Variants in NRXN1 observed in about 807,000 individuals in gnomAD.
NRXN1 encodes neurexin-1.
NRXN1 carries 39 observed loss-of-function variants against 150.9 expected under a neutral mutation model. That is an observed-to-expected ratio of 0.26 (90% CI 0.20 to 0.34). The LOEUF is 0.34. NRXN1 is among the 10% of genes least tolerant of loss of function. The probability of loss-of-function intolerance (pLI) is 1.00; values close to 1 mark genes in which losing one functional copy is unlikely to be tolerated. For missense variants in NRXN1, 1,815 were observed against 1,949.9 expected, an observed-to-expected ratio of 0.93 and a Z score of 1.30; for synonymous variants, 924 against 757.0, an observed-to-expected ratio of 1.22 and a Z score of -3.62.
intron 18 of NRXN1, among the ~76,000 whole-genome samples, chr2:50,157,989 CA>C (rs2059128345): frequency 7.0e-6 from 1 of 143,550 alleles, no homozygotes; most frequent in East Asian, 2.0e-4. Context: ...GGGAGAGAAA[CA>C]AGGAGGGCAA....
At chr2:50,269,896 C>T (rs756451982) in intron 17 of NRXN1, among the ~76,000 whole-genome samples, 4 of 152,040 alleles carry the variant, frequency 2.6e-5, no homozygotes, top group Non-Finnish European at 4.4e-5. Flanking sequence ...TTTCTATTTC[C>T]CTCCATAAGG....
Position 50,346,941 on chromosome 2 carries a change from C to G in NRXN1, c.3365-109971G>C. On this transcript the variant is annotated intron_variant, in intron 17 of 22. Coordinates refer to ENST00000401669, the MANE Select transcript of NRXN1 (RefSeq NM_001330078.2). The surrounding 1 kb of genome is among the most constrained non-coding windows in gnomAD (Gnocchi z 5.0). ...GCTCGGCGCCGCACCGGAGCATCCT[C>G]TGGTACATGGCGGGGCGCCCGCCGA... is the stretch of plus-strand genomic sequence containing the variant. 7.3e-7 allele frequency: 1 copy of G among 1,365,346 alleles called. No homozygotes were observed. The allele number at this position is 1,365,346 out of a possible 1,614,324, so 84.6% of individuals were successfully genotyped here. A position where few individuals can be genotyped will look rare whatever the true frequency, so the allele number is the denominator to read the frequency against.
chr2:50,680,480 A>G (rs1398074371), intron 5 of NRXN1, among the ~76,000 whole-genome samples: 1 of 152,172 alleles, frequency 6.6e-6, no homozygotes, highest in Non-Finnish European at 1.5e-5. Flanking sequence ...TAGGTAAAAT[A>G]CAGTTAAAGA....
At chr2:50,594,913 T>G (rs1389687945) in intron 8 of NRXN1, among the ~76,000 whole-genome samples, 1 of 152,000 alleles carries the variant, frequency 6.6e-6, no homozygotes, top group Admixed American at 6.6e-5. Flanking sequence ...ACTCATTTAT[T>G]CATTATTCAT....
At chr2:50,748,047 A>G (rs9752624) in intron 5 of NRXN1, among the ~76,000 whole-genome samples, 34,515 of 152,126 alleles carry the variant, frequency 0.23, 4,208 homozygotes, top group Non-Finnish European at 0.27. Flanking sequence ...TCTCACAAGC[A>G]TCACTTCCCT....
chr2:50,544,503 T>C (rs1294999504), intron 9 of NRXN1, among the ~76,000 whole-genome samples: 1 of 152,168 alleles, frequency 6.6e-6, no homozygotes, highest in Non-Finnish European at 1.5e-5. Flanking sequence ...CCATCTGTTT[T>C]CTGCTTACTT....
intron 5 of NRXN1, among the ~76,000 whole-genome samples, chr2:50,793,413 G>A (rs529555316): frequency 6.6e-6 from 1 of 152,176 alleles, no homozygotes; most frequent in African/African-American, 2.4e-5. Flanking sequence ...CCATCTTCAT[G>A]TTTAGTGAAG....
chr2:50,214,865 T>C (rs2063288498), intron 18 of NRXN1, among the ~76,000 whole-genome samples: 1 of 152,014 alleles, frequency 6.6e-6, no homozygotes, highest in African/African-American at 2.4e-5. Context: ...TTCAGAATAA[T>C]TCTATAAGGT....
intron 5 of NRXN1, among the ~76,000 whole-genome samples, chr2:50,681,661 A>T (rs1281724338): frequency 6.6e-6 from 1 of 152,178 alleles, no homozygotes; most frequent in Admixed American, 6.5e-5. Context: ...CTCTTCCCCC[A>T]AGGTCTAGTA....
intron 2 of NRXN1, among the ~76,000 whole-genome samples, chr2:51,017,828 A>G (rs1446973946): frequency 6.6e-6 from 1 of 152,046 alleles, no homozygotes; most frequent in Non-Finnish European, 1.5e-5. Context: ...TATTTGCTGG[A>G]AAATAAATCA....
chr2:50,206,198 T>A (rs897585888), intron 18 of NRXN1, among the ~76,000 whole-genome samples: 1 of 149,648 alleles, frequency 6.7e-6, no homozygotes, highest in Non-Finnish European at 1.5e-5. Context: ...ACTTATACAG[T>A]ACAATAAGTT....
At chr2:50,459,170 G>T (rs1338176910) in intron 17 of NRXN1, among the ~76,000 whole-genome samples, 3 of 151,930 alleles carry the variant, frequency 2.0e-5, no homozygotes, top group South Asian at 2.1e-4. Flanking sequence ...TAAAATAAAA[G>T]ATTTCATAAA....
intron 18 of NRXN1, among the ~76,000 whole-genome samples, chr2:50,152,259 C>G (rs1019941862): frequency 1.3e-4 from 20 of 151,894 alleles, no homozygotes; most frequent in African/African-American, 4.8e-4. Flanking sequence ...ATAATTTTCA[C>G]TACTCTAGGT....
At chr2:50,093,930 G>C (rs1267447827) in intron 18 of NRXN1, among the ~76,000 whole-genome samples, 1 of 152,146 alleles carries the variant, frequency 6.6e-6, no homozygotes, top group East Asian at 1.9e-4. Flanking sequence ...CTGAGTTTAG[G>C]ACTGTTGTGC....
chr2:50,865,665 T>TGTTTTG (rs1559368618), intron 5 of NRXN1, among the ~76,000 whole-genome samples: 3 of 130,296 alleles, frequency 2.3e-5, no homozygotes, highest in Non-Finnish European at 5.0e-5. Context: ...AAAGTTTTTT[T>TGTTTTG]TTTTTTTTTT....
At chr2:50,968,232 A>G (rs538287002) in intron 2 of NRXN1, among the ~76,000 whole-genome samples, 25 of 152,064 alleles carry the variant, frequency 1.6e-4, no homozygotes, top group Non-Finnish European at 2.9e-4. Flanking sequence ...GATCCAATCA[A>G]GAGAATATGA....
intron 21 of NRXN1, among the ~76,000 whole-genome samples, chr2:50,032,157 G>T (rs1420453242): frequency 6.6e-6 from 1 of 152,030 alleles, no homozygotes; most frequent in Non-Finnish European, 1.5e-5. Flanking sequence ...TTGTTAGAAA[G>T]AATATGATTC....
intron 5 of NRXN1, chr2:50,912,169 CA>C (rs1438475647): frequency 6.6e-6 from 1 of 151,856 alleles, no homozygotes; most frequent in Non-Finnish European, 1.5e-5. Context: ...GAGTTGATAG[CA>C]CTAGTCACAA....
intron 10 of NRXN1, among the ~76,000 whole-genome samples, chr2:50,531,875 G>T (rs1277624682): frequency 1.3e-5 from 2 of 151,954 alleles, no homozygotes; most frequent in Admixed American, 1.3e-4. Context: ...TTTGAGACAA[G>T]GTCTGTATCC....
Sources: gnomAD v4.1 joint callset for allele counts (sites outside exome capture counted in the v4.1 genomes callset) on GRCh38, gnomAD v4.1.1 for gene constraint, Gnocchi (gnomAD v3.1) non-coding constraint, MANE v1.5 for transcripts, NCBI Gene and HGNC (gene_info 2026-07-23, HGNC 2026-07-21) for gene names.